Variants in MCPH1 observed in about 807,000 individuals in gnomAD.
The protein encoded by MCPH1 is microcephalin 1.
In MCPH1, 104 loss-of-function variants were observed where a neutral mutation model predicts 84.5. That is an observed-to-expected ratio of 1.23 (90% confidence interval 1.05 to 1.45). The LOEUF is 1.45. Ranked by LOEUF, MCPH1 falls within the 40% of genes most tolerant of loss-of-function variation. The pLI is 0.00. For missense variants in MCPH1, 1,498 were observed against 1,005.7 expected (o/e 1.49, Z -6.62); for synonymous variants, 514 against 366.8 (o/e 1.40, Z -4.58).
intron 13 of MCPH1, among the ~76,000 whole-genome samples, chr8:6,623,956 G>C (rs1411899666): frequency 2.0e-5 from 3 of 152,230 alleles, no homozygotes; most frequent in Admixed American, 2.0e-4. Flanking sequence ...TCAACAGGCA[G>C]TCTTTTTGGA....
chr8:6,449,565 A>G (rs1175924600), intron 8 of MCPH1, among the ~76,000 whole-genome samples: 1 of 152,060 alleles, frequency 6.6e-6, no homozygotes, highest in Non-Finnish European at 1.5e-5. Flanking sequence ...CCCAGGAGAC[A>G]GAGGTTGCGG....
intron 12 of MCPH1, chr8:6,527,562 T>A: frequency 6.2e-7 from 1 of 1,613,798 alleles, no homozygotes; most frequent in South Asian, 1.1e-5. Context: ...TACCTGTTCT[T>A]ATCTTGCAAT....
At chr8:6,483,953 AT>A (rs1404617961) in intron 11 of MCPH1, among the ~76,000 whole-genome samples, 1 of 152,224 alleles carries the variant, frequency 6.6e-6, no homozygotes, top group African/African-American at 2.4e-5. Flanking sequence ...CAAATGGATC[AT>A]AGACAAAATT....
At chr8:6,503,208 G>T in intron 12 of MCPH1, 1 of 1,614,146 alleles carries the variant, frequency 6.2e-7, no homozygotes, top group Non-Finnish European at 8.5e-7. Context: ...TTCTGCCTCT[G>T]TGGATAGTAC....
At chr8:6,492,352 C>T (rs1014957865) in intron 11 of MCPH1, among the ~76,000 whole-genome samples, 1 of 151,928 alleles carries the variant, frequency 6.6e-6, no homozygotes, top group Non-Finnish European at 1.5e-5. Flanking sequence ...TGTTAGAGTT[C>T]TTTGTAGATT....
chr8:6,575,835 AC>A (rs1827034623), intron 12 of MCPH1, among the ~76,000 whole-genome samples: 1 of 152,110 alleles, frequency 6.6e-6, no homozygotes, highest in Admixed American at 6.5e-5. Context: ...CTTCTACAAA[AC>A]AGGGAACACC....
chr8:6,529,995 T>C (rs910432143), intron 12 of MCPH1, among the ~76,000 whole-genome samples: 1 of 152,076 alleles, frequency 6.6e-6, no homozygotes, highest in Non-Finnish European at 1.5e-5. Context: ...CACTTTTTCA[T>C]TACTATTATT....
chr8:6,415,080 G>A (rs1231564978), intron 3 of MCPH1, among the ~76,000 whole-genome samples, 197 bp downstream of exon 3: 1 of 151,888 alleles, frequency 6.6e-6, no homozygotes, highest in Admixed American at 6.6e-5. Flanking sequence ...ACCTAACTCT[G>A]CCTAGGGGGA....
intron 12 of MCPH1, among the ~76,000 whole-genome samples, chr8:6,543,826 A>T (rs553972510): frequency 6.6e-6 from 1 of 152,178 alleles, no homozygotes; most frequent in Non-Finnish European, 1.5e-5. Flanking sequence ...TACATAATTT[A>T]AACCCCCTGT....
intron 13 of MCPH1, among the ~76,000 whole-genome samples, chr8:6,640,121 CGTGTGTGTGT>C (rs760065871): frequency 2.3e-4 from 28 of 122,266 alleles, no homozygotes; most frequent in South Asian, 5.6e-4. Context: ...TGTGTGTGTG[CGTGTGTGTGT>C]GTGTTTTCTA....
At chr8:6,574,488 A>G (rs985484830) in intron 12 of MCPH1, among the ~76,000 whole-genome samples, 1 of 152,250 alleles carries the variant, frequency 6.6e-6, no homozygotes, top group African/African-American at 2.4e-5. Context: ...GCTGTGGCTT[A>G]GGACTTACAT....
intron 4 of MCPH1, among the ~76,000 whole-genome samples, chr8:6,434,129 C>T (rs1218334329): frequency 5.3e-5 from 8 of 152,216 alleles, no homozygotes. Context: ...CTCTTTTCAT[C>T]TGCAGTGCTG....
At chr8:6,521,735 G>C (rs1817379310) in intron 12 of MCPH1, among the ~76,000 whole-genome samples, 1 of 152,218 alleles carries the variant, frequency 6.6e-6, no homozygotes. Flanking sequence ...GAAGAAAGGT[G>C]CTGCTCTTTC....
chr8:6,495,835 G>A (rs1366455582), intron 11 of MCPH1, among the ~76,000 whole-genome samples: 1 of 152,126 alleles, frequency 6.6e-6, no homozygotes, highest in East Asian at 1.9e-4. Context: ...ACATACTTTT[G>A]AACTGTTTGA....
intron 11 of MCPH1, among the ~76,000 whole-genome samples, chr8:6,493,926 C>T (rs1211350176): frequency 1.5e-5 from 2 of 135,204 alleles, no homozygotes; most frequent in African/African-American, 5.1e-5. Context: ...GGTCATAGTG[C>T]TTGGAAATAG....
At chr8:6,432,853 T>C (rs1447414375) in intron 4 of MCPH1, among the ~76,000 whole-genome samples, 4 of 152,242 alleles carry the variant, frequency 2.6e-5, no homozygotes, top group African/African-American at 9.6e-5. Context: ...AAATCAAGTG[T>C]TTATTGTAAA....
chr8:6,531,391 C>A (rs1285385569), intron 12 of MCPH1, among the ~76,000 whole-genome samples: 1 of 151,718 alleles, frequency 6.6e-6, no homozygotes, highest in African/African-American at 2.4e-5. Context: ...TGGGTTGAAG[C>A]AATTCTCCTG....
At chr8:6,465,067 C>A (rs1376563143) in intron 9 of MCPH1, among the ~76,000 whole-genome samples, 1 of 151,956 alleles carries the variant, frequency 6.6e-6, no homozygotes, top group Non-Finnish European at 1.5e-5. Context: ...GATGTGGAGG[C>A]CCAATTTAAA....
intron 12 of MCPH1, among the ~76,000 whole-genome samples, chr8:6,510,681 A>G (rs565895574): frequency 2.0e-5 from 3 of 152,294 alleles, no homozygotes; most frequent in African/African-American, 4.8e-5. Flanking sequence ...TTTGCACCAG[A>G]TGCAGCAAAT....
Sources: gnomAD v4.1 joint callset for allele counts (sites outside exome capture counted in the v4.1 genomes callset) on GRCh38, gnomAD v4.1.1 for gene constraint, MANE v1.5 for transcripts, NCBI Gene and HGNC (gene_info 2026-07-23, HGNC 2026-07-21) for gene names.